DNM3: variants seen among roughly 807,000 people sequenced by gnomAD.
DNM3 encodes dynamin 3, also known as dynamin-3.
In DNM3, 47 loss-of-function variants were observed where a neutral mutation model predicts 101.6. That is an observed-to-expected ratio of 0.46 (90% CI 0.37 to 0.59). The LOEUF (loss-of-function observed/expected upper bound fraction) is 0.59. Ranked by LOEUF, DNM3 falls within the 20% of genes least tolerant of loss-of-function variation. The probability of loss-of-function intolerance (pLI) is 0.00; values close to 1 mark genes in which losing one functional copy is unlikely to be tolerated. For missense variants in DNM3, 849 were observed against 1,085.7 expected (o/e 0.78, Z 3.06); for synonymous variants, 385 against 387.9 (o/e 0.99, Z 0.09).
intron 17 of DNM3, among the ~76,000 whole-genome samples, chr1:172,338,537 C>A (rs1362000454): frequency 6.6e-6 from 1 of 152,110 alleles, no homozygotes; most frequent in African/African-American, 2.4e-5. Flanking sequence ...TGAATGGATT[C>A]TGTTCACAGC....
intron 16 of DNM3, among the ~76,000 whole-genome samples, chr1:172,314,403 C>T (rs1174486554): frequency 1.3e-5 from 2 of 152,138 alleles, no homozygotes; most frequent in Non-Finnish European, 2.9e-5. Context: ...GTGGGTGCAG[C>T]ACGCGGTGCA....
At chr1:172,020,917 A>G (rs909818783) in intron 4 of DNM3, among the ~76,000 whole-genome samples, 13 of 152,086 alleles carry the variant, frequency 8.5e-5, no homozygotes, top group Non-Finnish European at 1.9e-4. Flanking sequence ...CATGGATTAC[A>G]GTTTAAGTTT....
chr1:172,225,855 ATATATATGAAT>A (rs1442455849), intron 14 of DNM3, among the ~76,000 whole-genome samples: 2 of 151,512 alleles, frequency 1.3e-5, no homozygotes, highest in African/African-American at 4.8e-5. Flanking sequence ...TATATATGAT[ATATATATGAAT>A]TATATTATAT....
At chr1:172,215,960 TAAAA>T (rs35363776) in intron 14 of DNM3, among the ~76,000 whole-genome samples, 1 of 136,850 alleles carries the variant, frequency 7.3e-6, no homozygotes, top group Middle Eastern at 3.5e-3. Flanking sequence ...ACACTCTCTT[TAAAA>T]AAAAAAGAAA....
intron 4 of DNM3, among the ~76,000 whole-genome samples, chr1:172,013,091 G>A (rs1277665942): frequency 6.6e-6 from 1 of 151,850 alleles, no homozygotes; most frequent in Non-Finnish European, 1.5e-5. Flanking sequence ...TAATTTTGCT[G>A]TATACATTTT....
At chr1:172,237,570 A>G (rs1013774202) in intron 14 of DNM3, among the ~76,000 whole-genome samples, 1 of 152,136 alleles carries the variant, frequency 6.6e-6, no homozygotes, top group African/African-American at 2.4e-5. Context: ...CTAAATCAAT[A>G]TCTCTAAAAC....
chr1:172,072,889 A>C (rs766183653), intron 11 of DNM3, among the ~76,000 whole-genome samples: 104 of 152,332 alleles, frequency 6.8e-4, no homozygotes, highest in Non-Finnish European at 1.2e-3. Flanking sequence ...TTGTCTCAAA[A>C]AACAACAACA....
chr1:171,878,492 G>C (rs1028794860), intron 1 of DNM3, among the ~76,000 whole-genome samples: 1 of 151,782 alleles, frequency 6.6e-6, no homozygotes, highest in Non-Finnish European at 1.5e-5. Context: ...CAGATACCAA[G>C]CATGTTTCTG....
chr1:171,980,151 CTT>C (rs35057661), intron 2 of DNM3, among the ~76,000 whole-genome samples: 24 of 138,312 alleles, frequency 1.7e-4, no homozygotes, highest in Admixed American at 2.1e-4. Context: ...TTTAGATTTC[CTT>C]TTTTTTTTTT....
intron 1 of DNM3, among the ~76,000 whole-genome samples, chr1:171,913,111 C>G (rs977538350): frequency 6.6e-6 from 1 of 152,120 alleles, no homozygotes; most frequent in African/African-American, 2.4e-5. Context: ...GAACTGACTT[C>G]TTTGTTCAGT....
intron 13 of DNM3, among the ~76,000 whole-genome samples, chr1:172,110,076 T>A (rs2055351171): frequency 6.6e-6 from 1 of 152,242 alleles, no homozygotes; most frequent in African/African-American, 2.4e-5. Context: ...AATACTCCTT[T>A]ACATATAAGA....
intron 1 of DNM3, among the ~76,000 whole-genome samples, chr1:171,869,043 A>G (rs919865874): frequency 6.6e-6 from 1 of 152,182 alleles, no homozygotes; most frequent in African/African-American, 2.4e-5. Flanking sequence ...TCAGCCTCCC[A>G]AAGTGCTGGG....
intron 2 of DNM3, among the ~76,000 whole-genome samples, chr1:171,945,224 T>C (rs908004156): frequency 1.3e-5 from 2 of 152,046 alleles, no homozygotes; most frequent in Non-Finnish European, 2.9e-5. Flanking sequence ...CATTTTTTTT[T>C]CCAAGAAAAG....
At chr1:172,318,919 T>C (rs1423097004) in intron 16 of DNM3, among the ~76,000 whole-genome samples, 1 of 152,084 alleles carries the variant, frequency 6.6e-6, no homozygotes, top group Non-Finnish European at 1.5e-5. Flanking sequence ...AAAAAGAGCC[T>C]GCATCGCCAA....
At position 171,939,443 on chromosome 1, in the gene DNM3, G is replaced by A. The variant is rs565408027; in HGVS notation, c.235+17622G>A. 3.5e-4 allele frequency among the ~76,000 whole-genome samples: 53 copies of A among 152,104 alleles called. 1 individual carries two copies. Among genetic ancestry groups the A allele is most frequent in the Non-Finnish European group, 6.9e-4 (47 of 67,998 alleles). Reference sequence around the variant, plus strand: ...GTCTATTTTTGGAGGAGATATGGAGGTTTGTAGCTGCCTTGAGTTTCCAAA... The same window carrying A: ...GTCTATTTTTGGAGGAGATATGGAGATTTGTAGCTGCCTTGAGTTTCCAAA... On this transcript the variant is annotated intron_variant, in intron 2 of 20. Transcript: ENST00000627582.
intron 1 of DNM3, among the ~76,000 whole-genome samples, chr1:171,843,603 G>T (rs908792188): frequency 2.6e-5 from 4 of 152,110 alleles, no homozygotes; most frequent in African/African-American, 7.2e-5. Flanking sequence ...TATTTACTTG[G>T]ATGAGCCTAT....
intron 15 of DNM3, among the ~76,000 whole-genome samples, chr1:172,282,765 G>T (rs538406593): frequency 2.0e-5 from 3 of 152,104 alleles, no homozygotes; most frequent in Non-Finnish European, 2.9e-5. Context: ...AGAGTCTTAG[G>T]TTCCTTGTTT....
At chr1:172,303,691 C>A (rs919931720) in intron 15 of DNM3, among the ~76,000 whole-genome samples, 2 of 152,190 alleles carry the variant, frequency 1.3e-5, no homozygotes, top group Admixed American at 1.3e-4. Context: ...TCAGCAGAAA[C>A]CCTACAAGCC....
intron 2 of DNM3, among the ~76,000 whole-genome samples, chr1:171,951,238 G>A (rs543003669): frequency 1.6e-4 from 24 of 152,238 alleles, no homozygotes; most frequent in African/African-American, 5.1e-4. Flanking sequence ...TTTTACCTAA[G>A]ACATGATGAT....
Sources: gnomAD v4.1 joint callset for allele counts (sites outside exome capture counted in the v4.1 genomes callset) on GRCh38, gnomAD v4.1.1 for gene constraint, MANE v1.5 for transcripts, NCBI Gene and HGNC (gene_info 2026-07-23, HGNC 2026-07-21) for gene names.